TMEM229B: variants seen among roughly 807,000 people sequenced by gnomAD.
The protein encoded by TMEM229B is transmembrane protein 229B.
TMEM229B carries 6 observed loss-of-function variants against 13.7 expected under a neutral mutation model. That is an observed-to-expected ratio of 0.44 (90% CI 0.24 to 0.86). TMEM229B has a LOEUF of 0.86. Ranked by LOEUF, TMEM229B falls within the 40% of genes least tolerant of loss-of-function variation. The pLI is 0.23. For missense variants in TMEM229B, 170 were observed against 236.0 expected, an observed-to-expected ratio of 0.72 and a Z score of 1.83; for synonymous variants, 107 against 102.1, an observed-to-expected ratio of 1.05 and a Z score of -0.29.
chr14:67,482,140 C>G (rs2031622756), intron 2 of TMEM229B, among the ~76,000 whole-genome samples: 1 of 152,278 alleles, frequency 6.6e-6, no homozygotes, highest in Middle Eastern at 3.4e-3. Context: ...CTAGGAACTA[C>G]CCCTTCAAGG....
intron 1 of TMEM229B, among the ~76,000 whole-genome samples, chr14:67,525,089 T>C (rs1226357554): frequency 1.3e-5 from 2 of 152,160 alleles, no homozygotes; most frequent in African/African-American, 4.8e-5. Context: ...ATTAGAAAAA[T>C]GATTCATACT....
At chr14:67,504,988 G>T (rs2032766922) in intron 1 of TMEM229B, among the ~76,000 whole-genome samples, 2 of 152,078 alleles carry the variant, frequency 1.3e-5, no homozygotes, top group Admixed American at 1.3e-4. Flanking sequence ...AAGTGCGTTT[G>T]GATATTTTTT....
chr14:67,512,327 G>C (rs2033055183), intron 1 of TMEM229B, among the ~76,000 whole-genome samples: 1 of 152,202 alleles, frequency 6.6e-6, no homozygotes, highest in South Asian at 2.1e-4. Flanking sequence ...AAGTGATGTA[G>C]AGTAAGAAGA....
At position 67,473,294 on chromosome 14, in the gene TMEM229B, T is replaced by C; in HGVS notation, c.*126A>G. ...CCCGCGGACGTTAGGGGGCTCTGTG[T>C]GCCCTATAGGGCTGAGGCTTGGCCG... is the stretch of plus-strand genomic sequence containing the variant. On this transcript the variant is annotated 3_prime_UTR_variant, in exon 3 of 3. Coordinates refer to ENST00000554480, the MANE Select transcript of TMEM229B (RefSeq NM_001348543.2). The surrounding 1 kb of genome is among the most constrained non-coding windows in gnomAD (Gnocchi z 6.5). The C allele has an allele frequency of 9.0e-6, 12 of 1,332,880 alleles. No individual in the cohort carries two copies. Among genetic ancestry groups the C allele is most frequent in the Non-Finnish European group, 1.1e-5 (11 of 969,814 alleles). 82.6% of individuals were successfully genotyped at this position (1,332,880 alleles called of 1,614,324 possible).
intron 2 of TMEM229B, among the ~76,000 whole-genome samples, chr14:67,483,851 G>A (rs941208730): frequency 2.6e-5 from 4 of 152,298 alleles, no homozygotes; most frequent in Non-Finnish European, 4.4e-5. Flanking sequence ...CAGGAGGAGC[G>A]GTCCGAACAC....
At chr14:67,483,808 G>T (rs1249648315) in intron 2 of TMEM229B, among the ~76,000 whole-genome samples, 1 of 152,222 alleles carries the variant, frequency 6.6e-6, no homozygotes, top group South Asian at 2.1e-4. Context: ...AAGAGCAGGG[G>T]CCAGCTGCCC....
intron 2 of TMEM229B, among the ~76,000 whole-genome samples, chr14:67,474,642 G>T (rs2031055587): frequency 6.6e-6 from 1 of 152,156 alleles, no homozygotes; most frequent in South Asian, 2.1e-4. Flanking sequence ...TTGTGCAACT[G>T]TCACCACCAA....
chr14:67,503,008 G>T (rs2032673832), intron 1 of TMEM229B, among the ~76,000 whole-genome samples: 1 of 152,144 alleles, frequency 6.6e-6, no homozygotes, highest in South Asian at 2.1e-4. Flanking sequence ...ACACTTTAAA[G>T]ATGAAACCAA....
intron 1 of TMEM229B, among the ~76,000 whole-genome samples, chr14:67,503,080 A>T (rs1284823923): frequency 1.3e-5 from 2 of 152,190 alleles, no homozygotes; most frequent in Non-Finnish European, 2.9e-5. Context: ...GCACGCTAAC[A>T]AGCAGATAGT....
intron 2 of TMEM229B, among the ~76,000 whole-genome samples, chr14:67,481,778 T>C (rs1011405833): frequency 5.3e-5 from 8 of 152,136 alleles, no homozygotes; most frequent in Non-Finnish European, 1.0e-4. Flanking sequence ...TTAGGCTCCT[T>C]CCACTAGCTC....
chr14:67,524,277 C>T (rs78669675), intron 1 of TMEM229B, among the ~76,000 whole-genome samples: 4,049 of 152,242 alleles, frequency 0.027, 160 homozygotes, highest in African/African-American at 0.088. Context: ...TACATCCAAA[C>T]TCATGTTCTA....
At chr14:67,479,060 T>A (rs902537941) in intron 2 of TMEM229B, among the ~76,000 whole-genome samples, 1 of 152,136 alleles carries the variant, frequency 6.6e-6, no homozygotes, top group Non-Finnish European at 1.5e-5. Flanking sequence ...TTCTGCATAC[T>A]TTTTTTTCCT....
Position 67,473,749 on chromosome 14 carries a change from T to A in TMEM229B, c.175A>T (p.Ile59Phe). 1 of 1,613,404 alleles carries A rather than the reference T, an allele frequency of 6.2e-7. No homozygotes were observed. The highest frequency in any genetic ancestry group is 1.1e-5 in the South Asian group (1 of 90,888). Reference protein sequence around the residue: ...ALFIYGTSILIVERMYLRLRG... With the variant: ...ALFIYGTSILFVERMYLRLRG... Reference sequence around the variant, plus strand: ...AGCCGCAGGTACATGCGCTCCACGATGAGGATGGAGGTGCCGTAGATGAAG... The same window carrying A: ...AGCCGCAGGTACATGCGCTCCACGAAGAGGATGGAGGTGCCGTAGATGAAG... The change falls in exon 3 of 3, where the codon ATC becomes TTC. Residue 59 changes from isoleucine (I) to phenylalanine (F), a missense_variant. Ile to Phe is a conservative substitution (Grantham distance 21). Transcript: ENST00000554480. This position sits in a 1 kb window ranked among gnomAD's most constrained non-coding sequence, Gnocchi z 6.5.
intron 1 of TMEM229B, chr14:67,503,497 A>C (rs1440960711): frequency 6.6e-6 from 1 of 152,216 alleles, no homozygotes; most frequent in Non-Finnish European, 1.5e-5. Flanking sequence ...CTCCTAAGGC[A>C]GCATTTCCCA....
chr14:67,474,914 C>CTTTTTTTTTTTTTT (rs71129825), intron 2 of TMEM229B, among the ~76,000 whole-genome samples: 1 of 124,958 alleles, frequency 8.0e-6, no homozygotes, highest in Non-Finnish European at 1.6e-5. Context: ...GAATTTCCTT[C>CTTTTTTTTTTTTTT]TTTTTTTTTT....
chr14:67,522,485 A>G (rs149746450), intron 1 of TMEM229B, among the ~76,000 whole-genome samples: 1 of 152,316 alleles, frequency 6.6e-6, no homozygotes, highest in East Asian at 1.9e-4. Context: ...AAAAGCTCTT[A>G]TGCTGCTATC....
Position 67,473,453 on chromosome 14 carries a change from T to C in TMEM229B, c.471A>G (p.Leu157=). ...TCTTGACATGGCCGTTGGCCAGGGC[T>C]AGGGCGCCGCTGGGCTCCCCGGGCT... is the stretch of plus-strand genomic sequence containing the variant. ...DAEPGEPSGA[L]ALANGHVKTD The change falls in exon 3 of 3, where the codon CTA becomes CTG. Residue 157 remains leucine, a synonymous_variant. Coordinates refer to ENST00000554480, the MANE Select transcript of TMEM229B (RefSeq NM_001348543.2). This position sits in a 1 kb window ranked among gnomAD's most constrained non-coding sequence, Gnocchi z 6.5. The C allele has an allele frequency of 1.2e-6, 2 of 1,614,140 alleles. No individual in the cohort carries two copies. The highest frequency in any genetic ancestry group is 1.7e-6 in the Non-Finnish European group (2 of 1,180,010).
At chr14:67,514,817 C>A (rs957148457) in intron 1 of TMEM229B, among the ~76,000 whole-genome samples, 1 of 152,206 alleles carries the variant, frequency 6.6e-6, no homozygotes, top group Non-Finnish European at 1.5e-5. Flanking sequence ...CCTTCCCCAA[C>A]ACGCCCCCCT....
chr14:67,484,232 C>A (rs2031748519), intron 2 of TMEM229B, among the ~76,000 whole-genome samples: 2 of 152,216 alleles, frequency 1.3e-5, no homozygotes, highest in Non-Finnish European at 2.9e-5. Flanking sequence ...AGCAGGGGCA[C>A]TGTCTTGTTC....
Sources: allele counts gnomAD v4.1 joint callset (sites outside exome capture counted in the v4.1 genomes callset), GRCh38; gene constraint gnomAD v4.1.1; non-coding constraint Gnocchi (gnomAD v3.1); transcripts MANE v1.5; gene names NCBI Gene and HGNC (gene_info 2026-07-23, HGNC 2026-07-21).